Variants in C8A observed in about 807,000 individuals in gnomAD.
C8A encodes complement C8 alpha chain.
In C8A, 67 loss-of-function variants were observed where a neutral mutation model predicts 65.3. The observed-to-expected ratio is 1.03, with a 90% confidence interval of 0.84 to 1.26. The LOEUF is 1.26. Among genes scored for constraint, C8A ranks in the 50% most tolerant of loss-of-function variants. The pLI, the probability that C8A is intolerant of heterozygous loss-of-function variation, is 0.00. For synonymous variants in C8A, 290 were observed against 259.4 expected (o/e 1.12, Z -1.13); for missense variants, 781 against 723.9 (o/e 1.08, Z -0.90).
Position 56,873,920 on chromosome 1 carries a change from C to T in C8A, c.172-1029C>T, listed in dbSNP as rs145253082. ...TCAGCTTCCTTCTTCTACGCTAGTG[C>T]CTGACACTGTACACTATATAGAAAG... On this transcript the variant is annotated intron_variant, in intron 2 of 10. Coordinates refer to ENST00000361249, the MANE Select transcript of C8A (RefSeq NM_000562.3). Among the ~76,000 whole-genome samples, 577 of 152,274 alleles carry T rather than the reference C, an allele frequency of 3.8e-3. 2 individuals carry two copies. The highest frequency in any genetic ancestry group is 6.8e-3 in the Middle Eastern group (2 of 294).
chr1:56,912,670 A>C, intron 10 of C8A, 45 bp downstream of exon 10: 4 of 1,578,176 alleles, frequency 2.5e-6, no homozygotes, highest in Non-Finnish European at 3.5e-6. Context: ...GTCCCAGCTC[A>C]AAGGGGCCAG....
rs575983562 is a variant in C8A, at chr1:56,916,296, G to A, written c.1604-1269G>A. ...TGGCGCTCCATCAACCTGGTTCAAA[G>A]CAAGGTGTGGACATCAGGTGGCCTT... On this transcript the variant is annotated intron_variant, in intron 10 of 10. Coordinates refer to ENST00000361249, the MANE Select transcript of C8A (RefSeq NM_000562.3). Among the ~76,000 whole-genome samples, 72 of 152,232 alleles carry A rather than the reference G, an allele frequency of 4.7e-4. 2 individuals carry two copies. The highest frequency in any genetic ancestry group is 4.3e-4 in the Non-Finnish European group (29 of 68,038).
rs747945627 is a variant in C8A at position 56,912,569 on chromosome 1, G to C, written c.1547G>C (p.Arg516Thr). The C allele has an allele frequency of 4.3e-6, 7 of 1,614,250 alleles. No individual in the cohort carries two copies. In the South Asian group the frequency reaches 7.7e-5, roughly 18 times the overall value. ...GVPILEGTSC[R>T]CQCRLGSLGA... ...CCCATCCTCGAGGGCACCAGCTGCA[G>C]GTGCCAGTGCCGCCTGGGTAGCTTG... The change falls in exon 10 of 11, where the codon AGG (arginine) becomes ACG (threonine). Residue 516 changes from arginine to threonine, a missense_variant. Transcript: ENST00000361249.
At chr1:56,897,047 A>G (rs533128509) in intron 7 of C8A, among the ~76,000 whole-genome samples, 1 of 152,314 alleles carries the variant, frequency 6.6e-6, no homozygotes, top group South Asian at 2.1e-4. Flanking sequence ...CAGCTTTCTA[A>G]TTCCAAGTGC....
chr1:56,864,654 G>A (rs1225927501), intron 1 of C8A, among the ~76,000 whole-genome samples: 23 of 152,252 alleles, frequency 1.5e-4, no homozygotes, highest in African/African-American at 3.6e-4. Context: ...TGGATGACTC[G>A]TTTATAAGGA....
At chr1:56,886,294 A>G in intron 7 of C8A, 127 bp downstream of exon 7, 5 of 1,087,566 alleles carry the variant, frequency 4.6e-6, no homozygotes, top group Non-Finnish European at 6.9e-6. Flanking sequence ...ACTCTATAGG[A>G]TAGCATAAGT....
At position 56,912,540 on chromosome 1, in the gene C8A, G is replaced by A. The variant is rs560854105; in HGVS notation, c.1518G>A (p.Gly506=). Residue 506 remains glycine (G), a synonymous_variant, in exon 10 of 11, where the codon GGG becomes GGA. Coordinates refer to ENST00000361249, the MANE Select transcript of C8A (RefSeq NM_000562.3). The stretch of plus-strand genomic sequence containing the variant: ...GATGTGGGCCTTGCTTCAACAATGG[G>A]GTGCCCATCCTCGAGGGCACCAGCT... ...ACRCGPCFNN[G]VPILEGTSCR... 79 of 1,614,182 alleles carry A rather than the reference G, an allele frequency of 4.9e-5. 1 individual carries two copies. In the South Asian group the frequency reaches 7.5e-4, roughly 15 times the overall value.
intron 7 of C8A, among the ~76,000 whole-genome samples, chr1:56,904,170 G>T (rs2101290920): frequency 6.6e-6 from 1 of 152,220 alleles, no homozygotes; most frequent in East Asian, 1.9e-4. Context: ...TCTGCGTCCT[G>T]GCTTCCAATG....
chr1:56,872,230 A>G (rs1644153008), intron 2 of C8A, among the ~76,000 whole-genome samples: 1 of 152,230 alleles, frequency 6.6e-6, no homozygotes, highest in South Asian at 2.1e-4. Flanking sequence ...TAAGCACAAC[A>G]TATTCATAAT....
intron 4 of C8A, among the ~76,000 whole-genome samples, chr1:56,876,593 C>T (rs1489017032): frequency 6.6e-6 from 1 of 151,972 alleles, no homozygotes; most frequent in Non-Finnish European, 1.5e-5. Context: ...ATCTGCTTTG[C>T]ACTGTAGATG....
chr1:56,883,901 T>G, intron 6 of C8A, among the ~76,000 whole-genome samples: 1 of 146,856 alleles, frequency 6.8e-6, no homozygotes, highest in East Asian at 2.2e-4. Flanking sequence ...CTAGGACTCT[T>G]ATCACTTTGC....
In C8A at chr1:56,904,090, G is replaced by A. The variant is rs1193262690; in HGVS notation, c.1097-2577G>A. 2.6e-5 allele frequency among the ~76,000 whole-genome samples: 4 copies of A among 152,082 alleles called. No individual in the cohort carries two copies. The East Asian group carries it at 7.7e-4, about 29-fold the overall frequency. On this transcript the variant is annotated intron_variant, in intron 7 of 10. Coordinates refer to ENST00000361249, the MANE Select transcript of C8A (RefSeq NM_000562.3). ...CTATCTGGGCAAGTTCTTTATAATG[G>A]CTCCAGACCTTTCTCTGTTCCTTTC...
intron 4 of C8A, among the ~76,000 whole-genome samples, chr1:56,880,649 C>G (rs1446993797): frequency 6.6e-6 from 1 of 152,072 alleles, no homozygotes. Context: ...CTATGAATTG[C>G]ATCCAATATT....
chr1:56,894,505 T>A (rs909292222), intron 7 of C8A, among the ~76,000 whole-genome samples: 1 of 152,166 alleles, frequency 6.6e-6, no homozygotes, highest in African/African-American at 2.4e-5. Flanking sequence ...GGAAAGACCC[T>A]TCCAGCAAGA....
intron 6 of C8A, among the ~76,000 whole-genome samples, chr1:56,885,126 G>A (rs190078995): frequency 1.3e-5 from 2 of 151,742 alleles, no homozygotes; most frequent in Admixed American, 1.3e-4. Context: ...GGTGAGAGCT[G>A]ATGAGAACTT....
In C8A at chr1:56,876,214, G is replaced by A; in HGVS notation, c.464+5G>A. 6.2e-7 allele frequency: 1 copy of A among 1,613,766 alleles called. No homozygotes were observed. Among genetic ancestry groups the A allele is most frequent in the Non-Finnish European group, 8.5e-7 (1 of 1,179,794 alleles). On this transcript the variant is annotated splice_donor_5th_base_variant and intron_variant, in intron 4 of 10. Transcript: ENST00000361249. ...ATCACAGAAGGCAGCCTTGGGGTGAGGCCCTGCCTACTAGCTATTTAGGAG... is the reference window on the plus strand; with the variant it reads ...ATCACAGAAGGCAGCCTTGGGGTGAAGCCCTGCCTACTAGCTATTTAGGAG...
At chr1:56,859,551 G>A (rs1038005158) in intron 1 of C8A, among the ~76,000 whole-genome samples, 21 of 152,196 alleles carry the variant, frequency 1.4e-4, no homozygotes, top group African/African-American at 5.1e-4. Flanking sequence ...TACTGCAGGA[G>A]AGCCCAGTAC....
intron 7 of C8A, among the ~76,000 whole-genome samples, chr1:56,904,040 T>C (rs1483290091): frequency 6.6e-6 from 1 of 152,190 alleles, no homozygotes; most frequent in Non-Finnish European, 1.5e-5. Flanking sequence ...TCCATGAATA[T>C]AGTCAGTCTA....
chr1:56,895,460 C>G (rs192744899), intron 7 of C8A, among the ~76,000 whole-genome samples: 3 of 152,106 alleles, frequency 2.0e-5, no homozygotes, highest in Non-Finnish European at 4.4e-5. Context: ...AACTCAAGAA[C>G]CTGTAATGTT....
Sources: gnomAD v4.1 joint callset for allele counts (sites outside exome capture counted in the v4.1 genomes callset) on GRCh38, gnomAD v4.1.1 for gene constraint, MANE v1.5 for transcripts, NCBI Gene and HGNC (gene_info 2026-07-23, HGNC 2026-07-21) for gene names.